The following MCPH1 variants were observed in gnomAD, a reference collection of about 807,000 sequenced individuals.
The protein encoded by MCPH1 is microcephalin.
A neutral mutation model predicts 84.5 loss-of-function variants in MCPH1; 104 were observed. The ratio of observed to expected loss-of-function variants is 1.23; its 90% CI spans 1.05 to 1.45. The LOEUF (loss-of-function observed/expected upper bound fraction) is 1.45. MCPH1 is among the 40% of genes most tolerant of loss of function. The pLI, the probability that MCPH1 is intolerant of heterozygous loss-of-function variation, is 0.00. For missense variants in MCPH1, 1,498 were observed against 1,005.7 expected (o/e 1.49, Z -6.62); for synonymous variants, 514 against 366.8 (o/e 1.40, Z -4.58).
intron 12 of MCPH1, among the ~76,000 whole-genome samples, chr8:6,540,254 C>G (rs1821307580): frequency 6.6e-6 from 1 of 152,116 alleles, no homozygotes; most frequent in African/African-American, 2.4e-5. Context: ...GTGTGTTTCC[C>G]TTACCACTAC....
intron 12 of MCPH1, among the ~76,000 whole-genome samples, chr8:6,547,243 C>T (rs1476199645): frequency 6.6e-6 from 1 of 152,056 alleles, no homozygotes; most frequent in East Asian, 1.9e-4. Flanking sequence ...CATGCCACAG[C>T]AATTCGGGAA....
intron 12 of MCPH1, among the ~76,000 whole-genome samples, chr8:6,552,272 A>C (rs1404716611): frequency 6.6e-6 from 1 of 152,214 alleles, no homozygotes; most frequent in Non-Finnish European, 1.5e-5. Context: ...CTGAACCTGA[A>C]GGGATGAAAT....
At chr8:6,453,011 T>C (rs539613695) in intron 8 of MCPH1, among the ~76,000 whole-genome samples, 1 of 152,264 alleles carries the variant, frequency 6.6e-6, no homozygotes, top group Non-Finnish European at 1.5e-5. Flanking sequence ...GAGAATTAGG[T>C]CTCTTCAGTA....
chr8:6,492,802 A>G (rs1810796365), intron 11 of MCPH1, among the ~76,000 whole-genome samples: 1 of 151,240 alleles, frequency 6.6e-6, no homozygotes. Flanking sequence ...TGATTGAGTT[A>G]AGTAATTAAT....
At chr8:6,415,033 C>G (rs1379211089) in intron 3 of MCPH1, 150 bp downstream of exon 3, 8 of 783,544 alleles carry the variant, frequency 1.0e-5, no homozygotes, top group Non-Finnish European at 1.6e-5. Context: ...ATCCTCCAGC[C>G]TCAATTTCTG....
intron 12 of MCPH1, among the ~76,000 whole-genome samples, chr8:6,527,906 T>A (rs1425554033): frequency 3.3e-5 from 5 of 150,928 alleles, no homozygotes; most frequent in African/African-American, 1.2e-4. Flanking sequence ...TCTATTTTTT[T>A]TTTTTTTGAG....
chr8:6,452,664 G>C (rs560434444), intron 8 of MCPH1, among the ~76,000 whole-genome samples: 1 of 152,314 alleles, frequency 6.6e-6, no homozygotes, highest in East Asian at 1.9e-4. Context: ...GATGAGATTA[G>C]GACCATTATA....
intron 3 of MCPH1, among the ~76,000 whole-genome samples, chr8:6,429,043 C>G (rs781691564): frequency 2.6e-5 from 4 of 152,248 alleles, no homozygotes; most frequent in Non-Finnish European, 5.9e-5. Context: ...CCCACATACA[C>G]TCATCTGCTG....
intron 4 of MCPH1, among the ~76,000 whole-genome samples, chr8:6,434,920 G>C (rs1585740271): frequency 6.6e-6 from 1 of 152,178 alleles, no homozygotes; most frequent in Admixed American, 6.5e-5. Flanking sequence ...ATGTGTATTT[G>C]TGCTGATGGC....
At chr8:6,564,338 A>G (rs1453874167) in intron 12 of MCPH1, among the ~76,000 whole-genome samples, 1 of 152,104 alleles carries the variant, frequency 6.6e-6, no homozygotes, top group African/African-American at 2.4e-5. Flanking sequence ...CACATTATCA[A>G]TTACATTAGT....
chr8:6,503,395 T>C, intron 12 of MCPH1: 1 of 832,206 alleles, frequency 1.2e-6, no homozygotes, highest in Non-Finnish European at 1.9e-6. Flanking sequence ...ATGGTGAGTA[T>C]AGGATGTGCA....
At chr8:6,488,244 C>T (rs1282582848) in intron 11 of MCPH1, among the ~76,000 whole-genome samples, 1 of 152,186 alleles carries the variant, frequency 6.6e-6, no homozygotes, top group Non-Finnish European at 1.5e-5. Flanking sequence ...TGGCAAGACC[C>T]CAAGGTGCGC....
At chr8:6,624,153 C>T (rs960763840) in intron 13 of MCPH1, among the ~76,000 whole-genome samples, 2 of 152,196 alleles carry the variant, frequency 1.3e-5, no homozygotes, top group East Asian at 1.9e-4. Context: ...TTTCAGGAGG[C>T]GAATGTCTAC....
intron 12 of MCPH1, among the ~76,000 whole-genome samples, chr8:6,568,774 C>T (rs987125401): frequency 1.3e-5 from 2 of 152,364 alleles, no homozygotes; most frequent in African/African-American, 2.4e-5. Flanking sequence ...CTGCCGTCCT[C>T]AGCACGGCCT....
chr8:6,420,874 A>G (rs1585641032), intron 3 of MCPH1, among the ~76,000 whole-genome samples: 1 of 152,224 alleles, frequency 6.6e-6, no homozygotes. Context: ...ACGGAGGAGC[A>G]TAAGGCAAAA....
intron 8 of MCPH1, chr8:6,445,758 C>G (rs1386500874): frequency 7.4e-7 from 1 of 1,358,094 alleles, no homozygotes; most frequent in Non-Finnish European, 9.4e-7. Context: ...TTGGTTAAGT[C>G]TGTTAGGAAT....
Position 6,570,977 on chromosome 8 carries a change from G to C in MCPH1, c.2215-50477G>C, listed in dbSNP as rs563271868. Among the ~76,000 whole-genome samples, 4 of 151,954 alleles carry C rather than the reference G, an allele frequency of 2.6e-5. No individual in the cohort carries two copies. The South Asian group carries it at 8.3e-4, about 32-fold the overall frequency. ...GGGAAGAGCTTTTTATTTACTGGTA[G>C]CTTGGGAAATATCCAAGTAACTATT... On this transcript the variant is annotated intron_variant, in intron 12 of 13. Coordinates refer to ENST00000344683, the MANE Select transcript of MCPH1 (RefSeq NM_024596.5).
At chr8:6,598,243 GC>G (rs894424779) in intron 12 of MCPH1, among the ~76,000 whole-genome samples, 9 of 152,230 alleles carry the variant, frequency 5.9e-5, no homozygotes, top group African/African-American at 2.2e-4. Flanking sequence ...GCCTTGGGGA[GC>G]CAGGGTGGGG....
In MCPH1 at chr8:6,446,192, A is replaced by G. The variant is rs1206890264; in HGVS notation, c.1825+645A>G. 5 of 894,210 alleles carry G rather than the reference A, an allele frequency of 5.6e-6. No individual in the cohort carries two copies. The African/African-American group carries it at 7.2e-5, about 13-fold the overall frequency. 55.4% of individuals were successfully genotyped at this position (894,210 alleles called of 1,614,324 possible). On this transcript the variant is annotated intron_variant, in intron 8 of 13. Coordinates refer to ENST00000344683, the MANE Select transcript of MCPH1 (RefSeq NM_024596.5). ...CATAATTTAATTGTAATTATAATAA[A>G]CCATATCATTTTATTAAAAGTCAAA...
Sources: allele counts gnomAD v4.1 joint callset (sites outside exome capture counted in the v4.1 genomes callset), GRCh38; gene constraint gnomAD v4.1.1; transcripts MANE v1.5; gene names NCBI Gene and HGNC (gene_info 2026-07-23, HGNC 2026-07-21).